Variants in USP45 observed in about 807,000 individuals in gnomAD.
USP45 encodes ubiquitin carboxyl-terminal hydrolase 45.
USP45 carries 89 observed loss-of-function variants against 95.8 expected under a neutral mutation model. The ratio of observed to expected loss-of-function variants is 0.93; its 90% confidence interval spans 0.78 to 1.11. The LOEUF is 1.11. Among genes scored for constraint, USP45 ranks in the 50% least tolerant of loss-of-function variants. USP45 has a pLI of 0.00. For synonymous variants in USP45, 281 were observed against 316.2 expected (o/e 0.89, Z 1.18); for missense variants, 898 against 942.5 (o/e 0.95, Z 0.62).
At chr6:99,484,758 C>A (rs1271651108) in intron 7 of USP45, among the ~76,000 whole-genome samples, 1 of 151,194 alleles carries the variant, frequency 6.6e-6, no homozygotes. Context: ...ACCACTGCAC[C>A]CCAGTGTGAG....
chr6:99,507,310 G>C (rs1798766295), intron 4 of USP45, 118 bp downstream of exon 4: 1 of 537,304 alleles, frequency 1.9e-6, no homozygotes, highest in Non-Finnish European at 3.3e-6. Flanking sequence ...TTGTGTTCAG[G>C]TTAAAAAACC....
intron 15 of USP45, among the ~76,000 whole-genome samples, chr6:99,441,649 A>G (rs540572446): frequency 7.2e-5 from 11 of 152,290 alleles, no homozygotes; most frequent in African/African-American, 2.6e-4. Flanking sequence ...ATCTCAGTTC[A>G]TCCTTATCAA....
intron 7 of USP45, among the ~76,000 whole-genome samples, chr6:99,487,976 A>T (rs559759779): frequency 6.6e-6 from 1 of 152,308 alleles, no homozygotes; most frequent in South Asian, 2.1e-4. Flanking sequence ...AGCTGCCTTG[A>T]TATCTTTTTA....
Position 99,446,075 on chromosome 6 carries a change from C to A in USP45, c.1697G>T (p.Ser566Ile). The A allele has an allele frequency of 1.2e-6, 2 of 1,613,996 alleles. No individual in the cohort carries two copies. The highest frequency in any genetic ancestry group is 1.3e-5 in the African/African-American group (1 of 75,052). ...AEAISELRLS[S>I]TVTGDQDFDR... Reference sequence around the variant, plus strand: ...AAAATCTTGATCTCCAGTTACAGTGCTGCTCAAACGAAGTTCAGAAATAGC... The same window carrying A: ...AAAATCTTGATCTCCAGTTACAGTGATGCTCAAACGAAGTTCAGAAATAGC... Residue 566 changes from serine to isoleucine, a missense_variant, in exon 14 of 18, where the codon AGC (serine) becomes ATC (isoleucine). Transcript: ENST00000500704.
intron 10 of USP45, 83 bp downstream of exon 10, chr6:99,468,454 C>T (rs1788516703): frequency 1.1e-6 from 1 of 940,798 alleles, no homozygotes; most frequent in Non-Finnish European, 1.6e-6. Flanking sequence ...GATTAGTTCA[C>T]ATAATGTTCA....
At chr6:99,492,643 C>T (rs1023993801) in intron 5 of USP45, among the ~76,000 whole-genome samples, 10 of 137,702 alleles carry the variant, frequency 7.3e-5, no homozygotes, top group Admixed American at 3.0e-4. Flanking sequence ...TACAGGCATG[C>T]GCCACCATGC....
intron 5 of USP45, among the ~76,000 whole-genome samples, chr6:99,490,862 G>C (rs1183404000): frequency 6.6e-6 from 1 of 152,116 alleles, no homozygotes. Context: ...GAGCCACCGC[G>C]CCCAGCAGAA....
In USP45 at chr6:99,481,367, C is replaced by T. The variant is rs1304498211; in HGVS notation, c.845+1386G>A. On this transcript the variant is annotated intron_variant, in intron 8 of 17. Transcript: ENST00000500704. ...GATAGAGAGGAGTTTGAATTTTTAT[C>T]TATGAGTGCCCATTATTTTAATAGT... Among the ~76,000 whole-genome samples, 5 of 152,244 alleles carry T rather than the reference C, an allele frequency of 3.3e-5. No homozygotes were observed. In the South Asian group the frequency reaches 8.3e-4, roughly 25 times the overall value.
At chr6:99,461,913 T>C in intron 13 of USP45, 1 of 985,290 alleles carries the variant, frequency 1.0e-6, no homozygotes, top group African/African-American at 1.7e-5. Context: ...AGTAGTTAAC[T>C]ACTGAATCAT....
intron 7 of USP45, among the ~76,000 whole-genome samples, chr6:99,486,344 T>C (rs566306192): frequency 7.9e-5 from 12 of 152,276 alleles, no homozygotes; most frequent in East Asian, 1.9e-4. Context: ...AATTGCCATA[T>C]AGTAATCCTG....
chr6:99,496,769 A>AT (rs201951285), intron 5 of USP45, among the ~76,000 whole-genome samples: 2 of 151,832 alleles, frequency 1.3e-5, no homozygotes, highest in Non-Finnish European at 2.9e-5. Flanking sequence ...AAAAAAAAAA[A>AT]TTTTTTTTCA....
chr6:99,489,828 G>A (rs1005967938), intron 5 of USP45, among the ~76,000 whole-genome samples: 19 of 152,196 alleles, frequency 1.2e-4, no homozygotes, highest in African/African-American at 4.1e-4. Flanking sequence ...GTGCAAGCCT[G>A]TAGTCCCAAC....
In USP45 at chr6:99,432,413, C is replaced by T. The variant is rs1415894092; in HGVS notation, c.*3303G>A. On this transcript the variant is annotated 3_prime_UTR_variant, in exon 18 of 18. Coordinates refer to ENST00000500704, the MANE Select transcript of USP45 (RefSeq NM_001346022.3). ...TAAAACATTCTGTCAATAACGTAAACTGTGAAAATTCCAGGACCAATCTTG... is the reference window on the plus strand; with the variant it reads ...TAAAACATTCTGTCAATAACGTAAATTGTGAAAATTCCAGGACCAATCTTG... 1 of 152,070 alleles carries T rather than the reference C, an allele frequency of 6.6e-6. No individual in the cohort carries two copies. The highest frequency in any genetic ancestry group is 1.5e-5 in the Non-Finnish European group (1 of 68,022). The allele number at this position is 152,070 out of a possible 1,614,324, so 9.4% of individuals were successfully genotyped here.
chr6:99,477,435 C>T (rs1791145023), intron 8 of USP45, among the ~76,000 whole-genome samples: 1 of 152,160 alleles, frequency 6.6e-6, no homozygotes. Context: ...TCCTGAGTGG[C>T]TGGGACTACA....
chr6:99,450,421 C>T (rs1783593759), intron 13 of USP45, among the ~76,000 whole-genome samples: 1 of 152,170 alleles, frequency 6.6e-6, no homozygotes, highest in Non-Finnish European at 1.5e-5. Flanking sequence ...CGCAAATAAA[C>T]TAGAAAACCT....
At chr6:99,469,210 GCAGC>G (rs1788704278) in intron 9 of USP45, among the ~76,000 whole-genome samples, 1 of 151,828 alleles carries the variant, frequency 6.6e-6, no homozygotes, top group Non-Finnish European at 1.5e-5. Context: ...TATGTTTTCA[GCAGC>G]TCTCAGTAAA....
Position 99,436,504 on chromosome 6 carries a change from C to T in USP45, c.2315-658G>A, listed in dbSNP as rs190850016. Among the ~76,000 whole-genome samples, 370 of 152,006 alleles carry T rather than the reference C, an allele frequency of 2.4e-3. 2 individuals are homozygous for T. Among genetic ancestry groups the T allele is most frequent in the South Asian group, 0.022 (106 of 4,794 alleles). ...CCGGAAGGCAGAGGTTGCAGTGAGCCGAGATCCTGCCACTGCAATCCAGCC... is the reference window on the plus strand; with the variant it reads ...CCGGAAGGCAGAGGTTGCAGTGAGCTGAGATCCTGCCACTGCAATCCAGCC... On this transcript the variant is annotated intron_variant, in intron 17 of 17. Transcript: ENST00000500704.
intron 9 of USP45, among the ~76,000 whole-genome samples, chr6:99,472,058 G>A (rs915584464): frequency 6.6e-6 from 1 of 151,940 alleles, no homozygotes; most frequent in Non-Finnish European, 1.5e-5. Flanking sequence ...GCACCATTAC[G>A]ACTAAACAAT....
chr6:99,491,270 G>A (rs1795106743), intron 5 of USP45, among the ~76,000 whole-genome samples: 2 of 152,232 alleles, frequency 1.3e-5, no homozygotes, highest in South Asian at 2.1e-4. Flanking sequence ...GTTTTCAAAT[G>A]AATATAAAAG....
Sources: gnomAD v4.1 joint callset for allele counts (sites outside exome capture counted in the v4.1 genomes callset) on GRCh38, gnomAD v4.1.1 for gene constraint, MANE v1.5 for transcripts, NCBI Gene and HGNC (gene_info 2026-07-23, HGNC 2026-07-21) for gene names.